IL1RAPL2: variants seen among roughly 807,000 people sequenced by gnomAD.
IL1RAPL2 encodes the protein interleukin 1 receptor accessory protein like 2.
IL1RAPL2 carries 3 observed loss-of-function variants against 44.1 expected under a neutral mutation model. The observed-to-expected ratio is 0.07, with a 90% CI of 0.03 to 0.18. The LOEUF (loss-of-function observed/expected upper bound fraction) is 0.18. Ranked by LOEUF, IL1RAPL2 falls within the 10% of genes least tolerant of loss-of-function variation. The pLI, the probability that IL1RAPL2 is intolerant of heterozygous loss-of-function variation, is 1.00. For synonymous variants in IL1RAPL2, 181 were observed against 178.8 expected (o/e 1.01, Z -0.10); for missense variants, 391 against 496.4 (o/e 0.79, Z 2.02).
chrX:104,633,879 C>A (rs1175953088), intron 1 of IL1RAPL2, among the ~76,000 whole-genome samples: 1 of 111,472 alleles, frequency 9.0e-6, no homozygotes, highest in Non-Finnish European at 1.9e-5. Flanking sequence ...TTCTTGCCTT[C>A]TGCTAGCTTT....
chrX:104,969,912 GT>G (rs1005382093), intron 2 of IL1RAPL2, among the ~76,000 whole-genome samples: 143 of 107,588 alleles, frequency 1.3e-3, no homozygotes, highest in African/African-American at 4.2e-3. Context: ...TCATACACTA[GT>G]TTTTTTTTTC....
intron 6 of IL1RAPL2, among the ~76,000 whole-genome samples, chrX:105,511,419 C>CTA (rs757959877): frequency 1.2e-3 from 131 of 110,349 alleles, no homozygotes; most frequent in Non-Finnish European, 1.9e-3. Flanking sequence ...TTGTGCTGTC[C>CTA]TATATATATA....
chrX:105,369,274 A>T (rs1455527400), intron 5 of IL1RAPL2, among the ~76,000 whole-genome samples: 1 of 111,106 alleles, frequency 9.0e-6, no homozygotes, highest in African/African-American at 3.3e-5. Flanking sequence ...CTCCTCTCTC[A>T]GTCTTATTAG....
intron 2 of IL1RAPL2, among the ~76,000 whole-genome samples, chrX:104,909,987 G>A (rs934614049): frequency 8.9e-6 from 1 of 112,454 alleles, no homozygotes; most frequent in Non-Finnish European, 1.9e-5. Flanking sequence ...TCAGACTGCT[G>A]TGCTAGCAAT....
intron 5 of IL1RAPL2, among the ~76,000 whole-genome samples, chrX:105,385,633 T>C (rs2035471080): frequency 9.0e-6 from 1 of 111,612 alleles, no homozygotes; most frequent in Non-Finnish European, 1.9e-5. Context: ...CAACAACATT[T>C]ACTAAATCTC....
intron 6 of IL1RAPL2, among the ~76,000 whole-genome samples, chrX:105,601,619 G>T (rs974135181): frequency 6.3e-5 from 7 of 111,489 alleles, no homozygotes; most frequent in Non-Finnish European, 9.4e-5. Flanking sequence ...TGTGAGGTAA[G>T]TATAGGCAGC....
chrX:105,638,026 C>T (rs968066620), intron 6 of IL1RAPL2, among the ~76,000 whole-genome samples: 1 of 111,078 alleles, frequency 9.0e-6, no homozygotes, highest in African/African-American at 3.3e-5. Flanking sequence ...TTATTTGCCA[C>T]ACCCCCTCCT....
chrX:105,516,217 T>C (rs1238878805), intron 6 of IL1RAPL2, among the ~76,000 whole-genome samples: 2 of 112,531 alleles, frequency 1.8e-5, no homozygotes, highest in African/African-American at 6.4e-5. Flanking sequence ...CATATTGTTT[T>C]CTTAGACAGC....
chrX:104,985,980 A>G (rs747477984), intron 2 of IL1RAPL2, among the ~76,000 whole-genome samples: 1 of 112,022 alleles, frequency 8.9e-6, no homozygotes, highest in Non-Finnish European at 1.9e-5. Context: ...CAATACATCA[A>G]TTTCATATTA....
At chrX:105,733,710 T>C (rs2038423931) in intron 7 of IL1RAPL2, among the ~76,000 whole-genome samples, 1 of 111,146 alleles carries the variant, frequency 9.0e-6, no homozygotes, top group African/African-American at 3.3e-5. Context: ...ACTAATTTGT[T>C]GATATATGTT....
chrX:104,910,009 C>T (rs949927098), intron 2 of IL1RAPL2, among the ~76,000 whole-genome samples: 6 of 112,537 alleles, frequency 5.3e-5, no homozygotes, highest in African/African-American at 1.6e-4. Flanking sequence ...AGCGAGACTC[C>T]GTGGTTGTAG....
chrX:105,735,992 A>G (rs2038445035), intron 7 of IL1RAPL2, among the ~76,000 whole-genome samples: 2 of 111,883 alleles, frequency 1.8e-5, no homozygotes, highest in African/African-American at 6.5e-5. Flanking sequence ...CTATACTACA[A>G]GAATATAGTA....
At chrX:105,032,618 C>T (rs139024539) in intron 2 of IL1RAPL2, among the ~76,000 whole-genome samples, 16,231 of 111,157 alleles carry the variant, frequency 0.15, 1,144 homozygotes, top group Middle Eastern at 0.23. Flanking sequence ...TGTTCTTTTA[C>T]ATTTGCTGAG....
At chrX:105,203,575 A>G (rs2033735993) in intron 3 of IL1RAPL2, among the ~76,000 whole-genome samples, 1 of 112,066 alleles carries the variant, frequency 8.9e-6, no homozygotes, top group Non-Finnish European at 1.9e-5. Flanking sequence ...CTTATTCTCT[A>G]GTAAACCCAT....
At chrX:104,841,467 A>T (rs1357185588) in intron 2 of IL1RAPL2, among the ~76,000 whole-genome samples, 1 of 111,953 alleles carries the variant, frequency 8.9e-6, no homozygotes, top group African/African-American at 3.2e-5. Context: ...TAGCTGATGC[A>T]GTTTCTTCGT....
At chrX:105,407,556 A>C (rs2147738756) in intron 5 of IL1RAPL2, among the ~76,000 whole-genome samples, 1 of 111,869 alleles carries the variant, frequency 8.9e-6, no homozygotes, top group East Asian at 2.8e-4. Flanking sequence ...TCCCCTCTTT[A>C]AATACCTGTC....
rs2035968896 is a variant in IL1RAPL2, at chrX:105,447,231, TATATATATAAATATAAATATATATAA to T, written c.698-37066_698-37041del. 2.8e-4 allele frequency among the ~76,000 whole-genome samples: 7 copies of T among 24,625 alleles called. 1 individual carries two copies. In the African/African-American group the frequency reaches 7.7e-3, roughly 27 times the overall value. The allele number at this position is 24,625 out of a possible 115,157, so 21.4% of individuals were successfully genotyped here. ...TAAATATATATAAAATATATATAAA[TATATATATAAATATAAATATATATAA>T]ATATATATAAATATATATAAAATAT... On this transcript the variant is annotated intron_variant, in intron 5 of 10. Coordinates refer to ENST00000372582, the MANE Select transcript of IL1RAPL2 (RefSeq NM_017416.2).
intron 2 of IL1RAPL2, among the ~76,000 whole-genome samples, chrX:105,031,435 T>G (rs992018420): frequency 4.8e-4 from 53 of 111,510 alleles, no homozygotes; most frequent in South Asian, 1.5e-3. Flanking sequence ...CCTAATTTAT[T>G]GAGAGTTTTT....
At chrX:104,723,934 A>G (rs1931736328) in intron 2 of IL1RAPL2, among the ~76,000 whole-genome samples, 1 of 111,424 alleles carries the variant, frequency 9.0e-6, no homozygotes, top group African/African-American at 3.2e-5. Flanking sequence ...AATGTTACCA[A>G]CATGTGACTA....
Sources: allele counts gnomAD v4.1 joint callset (sites outside exome capture counted in the v4.1 genomes callset), GRCh38; gene constraint gnomAD v4.1.1; transcripts MANE v1.5; gene names NCBI Gene and HGNC (gene_info 2026-07-23, HGNC 2026-07-21).